Variants in MYADML2 observed in about 807,000 individuals in gnomAD.
The protein encoded by MYADML2 is myeloid associated differentiation marker like 2, also known as myeloid-associated differentiation marker-like protein 2.
Under a neutral mutation model 16.0 loss-of-function variants are expected in MYADML2, and 17 were observed. The observed-to-expected ratio is 1.06, with a 90% CI of 0.73 to 1.60. MYADML2 has a LOEUF of 1.60. MYADML2 is among the 40% of genes most tolerant of loss of function. The probability of loss-of-function intolerance (pLI) is 0.00; values close to 1 mark genes in which losing one functional copy is unlikely to be tolerated. For synonymous variants in MYADML2, 210 were observed against 208.1 expected, an observed-to-expected ratio of 1.01 and a Z score of -0.08; for missense variants, 422 against 437.7, an observed-to-expected ratio of 0.96 and a Z score of 0.32.
intron 1 of MYADML2, among the ~76,000 whole-genome samples, chr17:81,944,170 C>T (rs890988322): frequency 2.0e-5 from 3 of 151,748 alleles, no homozygotes; most frequent in Non-Finnish European, 2.9e-5. Context: ...TTTGGGAGGC[C>T]GAGGAAGACG....
In MYADML2 at chr17:81,941,089, C is replaced by G; in HGVS notation, c.653G>C (p.Gly218Ala). The G allele has an allele frequency of 6.5e-7, 1 of 1,550,380 alleles. No homozygotes were observed. The highest frequency in any genetic ancestry group is 8.7e-7 in the Non-Finnish European group (1 of 1,146,986). Reference protein sequence around the residue: ...TVAVVALSVMGHTGGLGCPFD... With the variant: ...TVAVVALSVMAHTGGLGCPFD... The stretch of plus-strand genomic sequence containing the variant: ...GGGGCAGCCCAGGCCCCCTGTGTGG[C>G]CCATCACACTCAGGGCCACCACGGC... The change falls in exon 3 of 3, where the codon GGC becomes GCC. Residue 218 changes from glycine to alanine, a missense_variant. Physicochemically the swap from Gly to Ala is moderately conservative, Grantham distance 60 (BLOSUM62 0). Coordinates refer to ENST00000409745, the MANE Select transcript of MYADML2 (RefSeq NM_001145113.3).
rs1187421706 is a variant in MYADML2, at chr17:81,940,742, T to C, written c.*76A>G. 7.0e-7 allele frequency: 1 copy of C among 1,422,344 alleles called. No homozygotes were observed. The allele number at this position is 1,422,344 out of a possible 1,614,324, so 88.1% of individuals were successfully genotyped here. A position where few individuals can be genotyped will look rare whatever the true frequency, so the allele number is the denominator to read the frequency against. On this transcript the variant is annotated 3_prime_UTR_variant, in exon 3 of 3. Transcript: ENST00000409745. ...CCCTCCTGCTCGCTACTTGACACTT[T>C]GGTTCACCTGAGTTTCCCTCGCAGA...
intron 1 of MYADML2, among the ~76,000 whole-genome samples, chr17:81,945,868 A>G (rs1173277550): frequency 1.3e-5 from 2 of 152,024 alleles, no homozygotes; most frequent in East Asian, 3.8e-4. Flanking sequence ...CCCCATCTCC[A>G]AAAGTAAATC....
rs2041296338 is a variant in MYADML2 at position 81,940,860 on chromosome 17, G to A, written c.882C>T (p.Asp294=). 6.5e-7 allele frequency: 1 copy of A among 1,532,022 alleles called. No homozygotes were observed. The highest frequency in any genetic ancestry group is 2.0e-5 in the Admixed American group (1 of 50,308). 94.9% of individuals were successfully genotyped at this position (1,532,022 alleles called of 1,614,324 possible). The change falls in exon 3 of 3, where the codon GAC becomes GAT. Residue 294 remains aspartate (D), a synonymous_variant. Transcript: ENST00000409745. ...AGCGAATCCTCTGGGAGTAGGCGAG[G>A]TCAACGACGTACAGGAGCAGGTTGA... ...TYVNLLLYVV[D]LAYSQRIRFV...
rs2041286544 is a variant in MYADML2, at chr17:81,939,821, G to C, written c.*997C>G. On this transcript the variant is annotated 3_prime_UTR_variant, in exon 3 of 3. Coordinates refer to ENST00000409745, the MANE Select transcript of MYADML2 (RefSeq NM_001145113.3). ...CAGGAGAAGCTGGCTGGAGCCTGGA[G>C]GATGATGGCCCCGGCGTCAGGAGTT... 1 of 152,382 alleles carries C rather than the reference G, an allele frequency of 6.6e-6. No homozygotes were observed. Among genetic ancestry groups the C allele is most frequent in the Non-Finnish European group, 1.5e-5 (1 of 68,178 alleles). 9.4% of individuals were successfully genotyped at this position (152,382 alleles called of 1,614,324 possible).
chr17:81,943,291 G>A (rs1347576980), intron 1 of MYADML2, among the ~76,000 whole-genome samples: 3 of 151,126 alleles, frequency 2.0e-5, no homozygotes, highest in African/African-American at 4.9e-5. Context: ...GGATGGTCTC[G>A]ATATCCTGAC....
chr17:81,940,512 T>C lies in MYADML2; in HGVS notation c.*306A>G, dbSNP rs146358778. ...GCAGCTGCTTTAAAGTTTTCCCTTA[T>C]GATGTTCCAGTGACCAGCACTGAGC... On this transcript the variant is annotated 3_prime_UTR_variant, in exon 3 of 3. Transcript: ENST00000409745. 1,610 of 346,598 alleles carry C rather than the reference T, an allele frequency of 4.6e-3. 22 individuals carry two copies. The highest frequency in any genetic ancestry group is 0.011 in the South Asian group (133 of 12,486). The allele number at this position is 346,598 out of a possible 1,614,324, so 21.5% of individuals were successfully genotyped here. A position where few individuals can be genotyped will look rare whatever the true frequency, so the allele number is the denominator to read the frequency against.
At chr17:81,945,310 T>C (rs1040509772) in intron 1 of MYADML2, among the ~76,000 whole-genome samples, 54 of 150,914 alleles carry the variant, frequency 3.6e-4, no homozygotes, top group East Asian at 1.2e-3. Flanking sequence ...GAGGCCAAGG[T>C]GGGCGGATCA....
chr17:81,944,208 C>G (rs901943811), intron 1 of MYADML2, among the ~76,000 whole-genome samples: 2 of 151,946 alleles, frequency 1.3e-5, no homozygotes, highest in African/African-American at 2.4e-5. Context: ...AAATTGAGAC[C>G]GTCCTGGCTA....
At chr17:81,944,980 TGTTGGCGGAGCTCG>T (rs2041332327) in intron 1 of MYADML2, among the ~76,000 whole-genome samples, 2 of 152,094 alleles carry the variant, frequency 1.3e-5, no homozygotes, top group South Asian at 4.1e-4. Context: ...ATAAATAAAG[TGTTGGCGGAGCTCG>T]GTGGCTGACG....
intron 2 of MYADML2, 27 bp from the exon 3 acceptor site, chr17:81,941,870 T>C: frequency 1.1e-6 from 1 of 910,392 alleles, no homozygotes; most frequent in East Asian, 2.7e-5. Context: ...GACGGTGACA[T>C]TGCAGCAGGG....
At chr17:81,944,843 A>G (rs2041331571) in intron 1 of MYADML2, among the ~76,000 whole-genome samples, 1 of 152,198 alleles carries the variant, frequency 6.6e-6, no homozygotes, top group African/African-American at 2.4e-5. Flanking sequence ...CCAAAAGGAC[A>G]GGGTTGGGAG....
In MYADML2 at chr17:81,941,654, G is replaced by A. The variant is rs2041305844; in HGVS notation, c.88C>T (p.Leu30=). 2 of 1,549,586 alleles carry A rather than the reference G, an allele frequency of 1.3e-6. No individual in the cohort carries two copies. The highest frequency in any genetic ancestry group is 2.4e-5 in the South Asian group (2 of 84,040). ...CTGAAGGTAGTGCAGCCAAAGGCCAGCTGCAGCACGCGGGCTGTGCCCACA... is the reference window on the plus strand; with the variant it reads ...CTGAAGGTAGTGCAGCCAAAGGCCAACTGCAGCACGCGGGCTGTGCCCACA... ...SPVGTARVLQ[L]AFGCTTFSLV... The change falls in exon 3 of 3, where the codon CTG becomes TTG. Residue 30 remains leucine (L), a synonymous_variant. Transcript: ENST00000409745.
chr17:81,941,293 C>T lies in MYADML2; in HGVS notation c.449G>A (p.Arg150Gln), dbSNP rs1017221046. ...GCTGCTCACCTGGCCGGGCCGGGCC[C>T]GCGTCAGGGCCACCTCCACAGCGTA... Reference protein sequence around the residue: ...LAYAVEVALTRARPGQVSSYM... With the variant: ...LAYAVEVALTQARPGQVSSYM... Residue 150 changes from arginine (R) to glutamine (Q), a missense_variant, in exon 3 of 3, where the codon CGG becomes CAG. By Grantham distance (43) the Arg-to-Gln change is conservative. Coordinates refer to ENST00000409745, the MANE Select transcript of MYADML2 (RefSeq NM_001145113.3). The T allele has an allele frequency of 3.5e-5, 54 of 1,549,822 alleles. No individual in the cohort carries two copies. The highest frequency in any genetic ancestry group is 1.6e-4 in the African/African-American group (12 of 73,032).
chr17:81,945,721 G>A (rs143867989), intron 1 of MYADML2, among the ~76,000 whole-genome samples: 2,765 of 151,050 alleles, frequency 0.018, 98 homozygotes, highest in African/African-American at 0.062. Context: ...AAAAAAATGA[G>A]TTGGGCGTGG....
In MYADML2 at chr17:81,941,766, C is replaced by G; in HGVS notation, c.-25G>C. ...TCTGGCCAGCCACGTTTCCAGCTCA[C>G]ACAGTCCCCCAAGGCCCTGGGGTCC... On this transcript the variant is annotated 5_prime_UTR_variant, in exon 3 of 3. Coordinates refer to ENST00000409745, the MANE Select transcript of MYADML2 (RefSeq NM_001145113.3). 6.7e-7 allele frequency: 1 copy of G among 1,482,484 alleles called. No homozygotes were observed. The allele number at this position is 1,482,484 out of a possible 1,614,324, so 91.8% of individuals were successfully genotyped here.
At chr17:81,945,358 T>C (rs2041336866) in intron 1 of MYADML2, among the ~76,000 whole-genome samples, 1 of 151,866 alleles carries the variant, frequency 6.6e-6, no homozygotes, top group Non-Finnish European at 1.5e-5. Flanking sequence ...GCTAACACAG[T>C]GAAACCCCAT....
At chr17:81,945,019 G>A (rs1476877068) in intron 1 of MYADML2, among the ~76,000 whole-genome samples, 1 of 151,982 alleles carries the variant, frequency 6.6e-6, no homozygotes, top group Non-Finnish European at 1.5e-5. Flanking sequence ...TCATCCCAGC[G>A]CTTTGGGAGG....
chr17:81,943,400 CTTTT>C (rs1490329857), intron 1 of MYADML2, among the ~76,000 whole-genome samples: 1 of 145,644 alleles, frequency 6.9e-6, no homozygotes, highest in Non-Finnish European at 1.5e-5. Flanking sequence ...ATTTTTTTTT[CTTTT>C]TTTCTTTTTT....
Sources: allele counts gnomAD v4.1 joint callset (sites outside exome capture counted in the v4.1 genomes callset), GRCh38; gene constraint gnomAD v4.1.1; transcripts MANE v1.5; gene names NCBI Gene and HGNC (gene_info 2026-07-23, HGNC 2026-07-21).